Variants in AKAP14 observed in about 807,000 individuals in gnomAD.
The protein encoded by AKAP14 is A-kinase anchoring protein 14, also known as A-kinase anchor protein 14.
In AKAP14, 4 loss-of-function variants were observed where a neutral mutation model predicts 17.0. The observed-to-expected ratio is 0.23, with a 90% CI of 0.12 to 0.54. AKAP14 has a LOEUF of 0.54. AKAP14 is among the 20% of genes least tolerant of loss of function. AKAP14 has a pLI of 0.95. For synonymous variants in AKAP14, 42 were observed against 51.3 expected, an observed-to-expected ratio of 0.82 and a Z score of 0.77; for missense variants, 129 against 150.9, an observed-to-expected ratio of 0.85 and a Z score of 0.76.
intron 5 of AKAP14, among the ~76,000 whole-genome samples, chrX:119,918,084 G>A (rs1333511244): frequency 1.8e-5 from 2 of 111,991 alleles, no homozygotes; most frequent in Non-Finnish European, 3.8e-5. Flanking sequence ...CTGCCTCAGG[G>A]CCTTTGCACT....
chrX:119,901,601 G>A (rs1259821691), intron 2 of AKAP14, among the ~76,000 whole-genome samples: 1 of 110,387 alleles, frequency 9.1e-6, no homozygotes, highest in African/African-American at 3.3e-5. Flanking sequence ...AGCTACTCGG[G>A]AGGCTGAGAC....
intron 2 of AKAP14, among the ~76,000 whole-genome samples, chrX:119,898,128 A>G (rs751684834): frequency 2.3e-3 from 253 of 111,545 alleles, no homozygotes; most frequent in Non-Finnish European, 3.8e-3. Context: ...GCGCCACCGC[A>G]CTCCAGCCTG....
chrX:119,912,982 A>G (rs1019659053), intron 4 of AKAP14, among the ~76,000 whole-genome samples: 2 of 110,113 alleles, frequency 1.8e-5, no homozygotes, highest in Non-Finnish European at 3.8e-5. Flanking sequence ...CACTACGAAG[A>G]TTTGTGCCTT....
At chrX:119,907,345 G>T (rs891731455) in intron 4 of AKAP14, among the ~76,000 whole-genome samples, 1 of 110,386 alleles carries the variant, frequency 9.1e-6, no homozygotes. Context: ...TGGCCAGTCT[G>T]GTCTCAAACT....
chrX:119,914,903 A>G, intron 5 of AKAP14, 25 bp downstream of exon 5: 1 of 1,178,850 alleles, frequency 8.5e-7, no homozygotes, highest in East Asian at 3.0e-5. Context: ...TTCTCCCTTC[A>G]GTGAGGCTTC....
Position 119,914,888 on chromosome X carries a change from T to C in AKAP14, c.441+10T>C. 1 of 1,197,426 alleles carries C rather than the reference T, an allele frequency of 8.4e-7. No homozygotes were observed. The highest frequency in any genetic ancestry group is 1.1e-6 in the Non-Finnish European group (1 of 885,384). On this transcript the variant is annotated intron_variant, in intron 5 of 6. Coordinates refer to ENST00000371431, the MANE Select transcript of AKAP14 (RefSeq NM_178813.6). ...CAAAACCAAACCACCGGTAAGTTCT[T>C]CTTTTTCTCCCTTCAGTGAGGCTTC...
chrX:119,911,211 G>A (rs1038899944), intron 4 of AKAP14, among the ~76,000 whole-genome samples: 1 of 107,152 alleles, frequency 9.3e-6, no homozygotes, highest in Admixed American at 1.0e-4. Flanking sequence ...AAATTAGCTG[G>A]GTGTGGTGGT....
chrX:119,904,519 G>A (rs181109961), intron 4 of AKAP14, among the ~76,000 whole-genome samples: 8 of 111,879 alleles, frequency 7.2e-5, no homozygotes, highest in South Asian at 3.7e-4. Flanking sequence ...ATACCAAGAC[G>A]GGAGAATCAA....
chrX:119,915,582 T>C (rs1048982806), intron 5 of AKAP14, among the ~76,000 whole-genome samples: 1 of 112,190 alleles, frequency 8.9e-6, no homozygotes, highest in Non-Finnish European at 1.9e-5. Flanking sequence ...CTTGGCTCAC[T>C]GCAACCTCCA....
intron 4 of AKAP14, among the ~76,000 whole-genome samples, chrX:119,913,152 A>AAATAAATT (rs773489785): frequency 1.5e-5 from 1 of 66,218 alleles, no homozygotes; most frequent in African/African-American, 7.9e-5. Flanking sequence ...ATAAATAAAT[A>AAATAAATT]AAATAAAATA....
intron 4 of AKAP14, among the ~76,000 whole-genome samples, chrX:119,909,588 G>A (rs1318061235): frequency 9.3e-6 from 1 of 107,979 alleles, no homozygotes; most frequent in African/African-American, 3.4e-5. Flanking sequence ...GTTGACTGTT[G>A]GGCCCCTTCA....
chrX:119,897,252 C>T (rs1373091490), intron 2 of AKAP14, among the ~76,000 whole-genome samples: 2 of 108,114 alleles, frequency 1.8e-5, no homozygotes, highest in East Asian at 5.9e-4. Context: ...CTCTGCCTCC[C>T]GGATTCATGC....
chrX:119,920,703 C>A lies in AKAP14; in HGVS notation c.*96C>A. 2 of 629,764 alleles carry A rather than the reference C, an allele frequency of 3.2e-6. No individual in the cohort carries two copies. Among genetic ancestry groups the A allele is most frequent in the Non-Finnish European group, 4.7e-6 (2 of 423,458 alleles). The allele number at this position is 629,764 out of a possible 1,213,427, so 51.9% of individuals were successfully genotyped here. A position where few individuals can be genotyped will look rare whatever the true frequency, so the allele number is the denominator to read the frequency against. On this transcript the variant is annotated 3_prime_UTR_variant, in exon 7 of 7. Transcript: ENST00000371431. ...CACAGAATATTTATTGAGTAATAAA[C>A]TTGTGGCACACAATCCAGCTGTATT...
At position 119,914,732 on chromosome X, in the gene AKAP14, G is replaced by A. The variant is rs1211723259; in HGVS notation, c.295G>A (p.Val99Ile). 17 of 1,209,667 alleles carry A rather than the reference G, an allele frequency of 1.4e-5. No individual in the cohort carries two copies. In the South Asian group the frequency reaches 2.1e-4, roughly 15 times the overall value. Residue 99 changes from valine (V) to isoleucine (I), a missense_variant, in exon 5 of 7, where the codon GTA (valine) becomes ATA (isoleucine). Coordinates refer to ENST00000371431, the MANE Select transcript of AKAP14 (RefSeq NM_178813.6). ...CVSKKCWAHGVEFVERKDLIH... is the reference protein window; with the variant it reads ...CVSKKCWAHGIEFVERKDLIH... ...TTCTAAAAAATGCTGGGCACATGGC[G>A]TAGAGTTTGTAGAGAGGAAAGACTT...
chrX:119,899,567 G>A (rs1482046579), intron 2 of AKAP14, among the ~76,000 whole-genome samples: 1 of 110,636 alleles, frequency 9.0e-6, no homozygotes, highest in Non-Finnish European at 1.9e-5. Flanking sequence ...AGACGCTGGG[G>A]ACTTCATGCA....
At chrX:119,919,085 G>A (rs374984796) in intron 5 of AKAP14, among the ~76,000 whole-genome samples, 1 of 111,730 alleles carries the variant, frequency 9.0e-6, no homozygotes, top group African/African-American at 3.2e-5. Flanking sequence ...TGAGACTGGT[G>A]GAGGGGAACA....
chrX:119,900,992 A>G (rs774946078), intron 2 of AKAP14, among the ~76,000 whole-genome samples: 68 of 112,656 alleles, frequency 6.0e-4, no homozygotes, highest in Non-Finnish European at 1.0e-3. Flanking sequence ...TGATGGAGCC[A>G]TCTTTACAGC....
intron 4 of AKAP14, among the ~76,000 whole-genome samples, chrX:119,909,011 C>T (rs1048671901): frequency 5.4e-5 from 6 of 110,793 alleles, no homozygotes; most frequent in Non-Finnish European, 1.1e-4. Flanking sequence ...GTACCAGTCC[C>T]AGTTTATTGT....
chrX:119,913,583 C>T (rs967696657), intron 4 of AKAP14, among the ~76,000 whole-genome samples: 2 of 111,790 alleles, frequency 1.8e-5, no homozygotes, highest in Non-Finnish European at 3.8e-5. Flanking sequence ...TGAGATCAGC[C>T]TGGGCAACAT....
Sources: gnomAD v4.1 joint callset for allele counts (sites outside exome capture counted in the v4.1 genomes callset) on GRCh38, gnomAD v4.1.1 for gene constraint, MANE v1.5 for transcripts, NCBI Gene and HGNC (gene_info 2026-07-23, HGNC 2026-07-21) for gene names.